Variants in KIF26B observed in about 807,000 individuals in gnomAD.
The protein encoded by KIF26B is kinesin family member 26B.
KIF26B carries 63 observed loss-of-function variants against 151.2 expected under a neutral mutation model. That is an observed-to-expected ratio of 0.42 (90% confidence interval 0.34 to 0.51). The LOEUF is 0.51. KIF26B is among the 20% of genes least tolerant of loss of function. KIF26B has a pLI of 0.07. For synonymous variants in KIF26B, 1,357 were observed against 1,262.1 expected, an observed-to-expected ratio of 1.08 and a Z score of -1.59; for missense variants, 2,813 against 2,913.6, an observed-to-expected ratio of 0.97 and a Z score of 0.79.
chr1:245,671,907 G>A (rs1475947281), intron 10 of KIF26B, among the ~76,000 whole-genome samples: 1 of 152,210 alleles, frequency 6.6e-6, no homozygotes, highest in Non-Finnish European at 1.5e-5. Context: ...GTGAATAGAG[G>A]GGTGCGTGCC....
At chr1:245,158,649 A>G (rs1368989149) in intron 2 of KIF26B, among the ~76,000 whole-genome samples, 1 of 152,216 alleles carries the variant, frequency 6.6e-6, no homozygotes, top group African/African-American at 2.4e-5. Flanking sequence ...GCATACGTGA[A>G]TGTCACATAG....
In KIF26B at chr1:245,368,189, A is replaced by T. The variant is rs569020754; in HGVS notation, c.999+822A>T. ...GCAACTCACCTTAAGAACTACTGGGATTGGGCTGCCAAAACTGTTTCTTCC... is the reference window on the plus strand; with the variant it reads ...GCAACTCACCTTAAGAACTACTGGGTTTGGGCTGCCAAAACTGTTTCTTCC... On this transcript the variant is annotated intron_variant, in intron 3 of 14. Transcript: ENST00000407071. Among the ~76,000 whole-genome samples, 5 of 152,294 alleles carry T rather than the reference A, an allele frequency of 3.3e-5. No individual in the cohort carries two copies. The East Asian group carries it at 9.7e-4, about 29-fold the overall frequency.
At position 245,240,681 on chromosome 1, in the gene KIF26B, GCAA is replaced by G. The variant is rs1259140800; in HGVS notation, c.465+84002_465+84004del. Among the ~76,000 whole-genome samples, 7 of 152,292 alleles carry G rather than the reference GCAA, an allele frequency of 4.6e-5. No homozygotes were observed. The East Asian group carries it at 1.4e-3, about 29-fold the overall frequency. ...GCTGGAGGGGAGACAGCAGAGAAGAGCAACAAGGGAAGTTTTAGTGAGATATAG... is the reference window on the plus strand; with the variant it reads ...GCTGGAGGGGAGACAGCAGAGAAGAGCAAGGGAAGTTTTAGTGAGATATAG... On this transcript the variant is annotated intron_variant, in intron 2 of 14. Transcript: ENST00000407071.
intron 4 of KIF26B, among the ~76,000 whole-genome samples, chr1:245,519,687 A>G (rs994807368): frequency 2.6e-5 from 4 of 152,180 alleles, no homozygotes; most frequent in Non-Finnish European, 1.5e-5. Flanking sequence ...ACAAATCTAG[A>G]TGGTATAGCC....
chr1:245,626,710 G>A (rs2043728367), intron 9 of KIF26B, among the ~76,000 whole-genome samples: 1 of 152,034 alleles, frequency 6.6e-6, no homozygotes, highest in South Asian at 2.1e-4. Context: ...TGTTTCCTTA[G>A]CTGTGCAGAA....
In KIF26B at chr1:245,685,448, G is replaced by T. The variant is rs984848713; in HGVS notation, c.2465G>T (p.Gly822Val). ...GGCGGGGAGAGCTCCTGCGAAGAAG[G>T]CCGCATGCGCAGGCCCACCCAGCTG... ...SSGGESSCEE[G>V]RMRRPTQLRP... Residue 822 changes from glycine (G) to valine (V), a missense_variant, in exon 12 of 15, where the codon GGC (glycine) becomes GTC (valine). Gly to Val is a moderately radical substitution (Grantham distance 109, BLOSUM62 -3). Coordinates refer to ENST00000407071, the MANE Select transcript of KIF26B (RefSeq NM_018012.4). 3 of 1,613,400 alleles carry T rather than the reference G, an allele frequency of 1.9e-6. No homozygotes were observed. The African/African-American group carries it at 4.0e-5, about 22-fold the overall frequency.
At chr1:245,617,286 C>T (rs764818494) in intron 9 of KIF26B, among the ~76,000 whole-genome samples, 33 of 152,112 alleles carry the variant, frequency 2.2e-4, no homozygotes, top group Admixed American at 8.5e-4. Context: ...TTAGTAGAGA[C>T]GGGGTTTCAC....
intron 2 of KIF26B, among the ~76,000 whole-genome samples, chr1:245,252,849 C>T (rs79537111): frequency 0.012 from 1,860 of 152,148 alleles, 41 homozygotes; most frequent in African/African-American, 0.041. Context: ...ATCACTTAGC[C>T]ATTAAGTATG....
chr1:245,681,244 C>T (rs1248747246), intron 10 of KIF26B, among the ~76,000 whole-genome samples: 1 of 149,976 alleles, frequency 6.7e-6, no homozygotes, highest in African/African-American at 2.5e-5. Context: ...GAGTCTCGCT[C>T]TGTCGCCCAG....
intron 3 of KIF26B, among the ~76,000 whole-genome samples, chr1:245,385,286 T>G (rs757266815): frequency 6.6e-6 from 1 of 152,260 alleles, no homozygotes; most frequent in Non-Finnish European, 1.5e-5. Flanking sequence ...TCCTAACAGC[T>G]AACTAATAGA....
intron 2 of KIF26B, among the ~76,000 whole-genome samples, chr1:245,321,071 G>GA (rs1237427370): frequency 1.3e-5 from 2 of 151,902 alleles, no homozygotes; most frequent in Non-Finnish European, 2.9e-5. Flanking sequence ...TGGTTAGAAA[G>GA]AAAAAAAATC....
At chr1:245,556,224 C>CTCT (rs557892036) in intron 5 of KIF26B, among the ~76,000 whole-genome samples, 6 of 150,282 alleles carry the variant, frequency 4.0e-5, no homozygotes, top group African/African-American at 7.3e-5. Context: ...CCTCCTCCTC[C>CTCT]TCTTCTTCTT....
rs1284881379 is a variant in KIF26B, at chr1:245,367,424, G to A, written c.999+57G>A. 1 of 1,457,794 alleles carries A rather than the reference G, an allele frequency of 6.9e-7. No individual in the cohort carries two copies. The highest frequency in any genetic ancestry group is 1.4e-5 in the African/African-American group (1 of 71,222). The allele number at this position is 1,457,794 out of a possible 1,614,324, so 90.3% of individuals were successfully genotyped here. On this transcript the variant is annotated intron_variant, in intron 3 of 14. Transcript: ENST00000407071. The surrounding 1 kb of genome is among the most constrained non-coding windows in gnomAD (Gnocchi z 4.2). The stretch of plus-strand genomic sequence containing the variant: ...GGCTGGCTGGAGTCAAAGCGGAGAA[G>A]TAGGCAGCACTTCCTTCCGCTGCCT...
chr1:245,610,897 T>TA (rs1290632770), intron 8 of KIF26B, among the ~76,000 whole-genome samples: 1 of 152,214 alleles, frequency 6.6e-6, no homozygotes, highest in East Asian at 1.9e-4. Flanking sequence ...TTTGTATAGT[T>TA]AGAGTAGAAA....
At chr1:245,196,261 C>G (rs1669192469) in intron 2 of KIF26B, among the ~76,000 whole-genome samples, 1 of 152,146 alleles carries the variant, frequency 6.6e-6, no homozygotes, top group Non-Finnish European at 1.5e-5. Flanking sequence ...GTGAACTTCC[C>G]TTTGCAATGA....
intron 4 of KIF26B, among the ~76,000 whole-genome samples, chr1:245,420,762 G>C (rs1658466959): frequency 6.6e-6 from 1 of 152,230 alleles, no homozygotes; most frequent in African/African-American, 2.4e-5. Context: ...AAGTACTGTA[G>C]AAATGGTTAC....
intron 2 of KIF26B, among the ~76,000 whole-genome samples, chr1:245,198,859 A>C (rs1438883598): frequency 1.0e-5 from 1 of 96,808 alleles, no homozygotes; most frequent in Non-Finnish European, 2.2e-5. Flanking sequence ...TGCTCTGGAG[A>C]GTGTAACGGG....
At chr1:245,273,120 A>G (rs1670880371) in intron 2 of KIF26B, among the ~76,000 whole-genome samples, 1 of 152,026 alleles carries the variant, frequency 6.6e-6, no homozygotes, top group Admixed American at 6.6e-5. Context: ...CATTATTGAA[A>G]GTGGGATATT....
chr1:245,608,200 C>T (rs935433481), intron 7 of KIF26B, among the ~76,000 whole-genome samples: 24 of 152,178 alleles, frequency 1.6e-4, no homozygotes, highest in African/African-American at 5.3e-4. Context: ...TGCACACCGT[C>T]GGGAACACTC....
Sources: gnomAD v4.1 joint callset for allele counts (sites outside exome capture counted in the v4.1 genomes callset) on GRCh38, gnomAD v4.1.1 for gene constraint, Gnocchi (gnomAD v3.1) non-coding constraint, MANE v1.5 for transcripts, NCBI Gene and HGNC (gene_info 2026-07-23, HGNC 2026-07-21) for gene names.